The following ASAH2 variants were observed in gnomAD, a reference collection of about 807,000 sequenced individuals.
The protein encoded by ASAH2 is neutral ceramidase.
A neutral mutation model predicts 82.9 loss-of-function variants in ASAH2; 58 were observed. The ratio of observed to expected loss-of-function variants is 0.70; its 90% CI spans 0.57 to 0.87. The LOEUF (loss-of-function observed/expected upper bound fraction) is 0.87. Among genes scored for constraint, ASAH2 ranks in the 40% least tolerant of loss-of-function variants. The pLI, the probability that ASAH2 is intolerant of heterozygous loss-of-function variation, is 0.00. For missense variants in ASAH2, 779 were observed against 834.0 expected (o/e 0.93, Z 0.81); for synonymous variants, 276 against 289.7 (o/e 0.95, Z 0.48).
intron 4 of ASAH2, among the ~76,000 whole-genome samples, chr10:50,236,423 T>C (rs1268045079): frequency 2.6e-5 from 4 of 152,028 alleles, no homozygotes; most frequent in South Asian, 2.1e-4. Context: ...AACAGCAGCA[T>C]GGGGGTACCC....
chr10:50,229,747 T>A (rs1313609592), intron 7 of ASAH2, among the ~76,000 whole-genome samples: 2 of 152,092 alleles, frequency 1.3e-5, no homozygotes, highest in African/African-American at 4.8e-5. Flanking sequence ...TCTTTTCCAA[T>A]CCCCCCATTT....
At chr10:50,230,805 G>T (rs1846003017) in intron 7 of ASAH2, among the ~76,000 whole-genome samples, 1 of 152,064 alleles carries the variant, frequency 6.6e-6, no homozygotes, top group South Asian at 2.1e-4. Flanking sequence ...ACTTTGGAAG[G>T]CCGAGGTGGA....
intron 15 of ASAH2, 98 bp from the exon 16 acceptor site, chr10:50,203,022 G>A (rs980220442): frequency 6.4e-5 from 55 of 862,976 alleles, no homozygotes; most frequent in Non-Finnish European, 9.6e-5. Context: ...TACACTATTA[G>A]TTTAAGATAT....
chr10:50,219,090 C>T lies in ASAH2; in HGVS notation c.894-460G>A, dbSNP rs888509299. 2.6e-5 allele frequency among the ~76,000 whole-genome samples: 4 copies of T among 152,244 alleles called. No individual in the cohort carries two copies. The South Asian group carries it at 6.2e-4, about 24-fold the overall frequency. ...CAGATGTGAACAAATGGCTTTAACA[C>T]AGTGTGACAAACGTTGCGAAGAAAC... On this transcript the variant is annotated intron_variant, in intron 7 of 20. Transcript: ENST00000682911.
At chr10:50,221,330 C>T (rs1845738501) in intron 7 of ASAH2, among the ~76,000 whole-genome samples, 1 of 152,074 alleles carries the variant, frequency 6.6e-6, no homozygotes, top group Admixed American at 6.6e-5. Flanking sequence ...TTTGGCTTCC[C>T]AACCAAAACA....
chr10:50,251,111 CTTAAAGGA>C (rs1387487171), intron 1 of ASAH2, among the ~76,000 whole-genome samples: 24 of 152,216 alleles, frequency 1.6e-4, no homozygotes, highest in Non-Finnish European at 2.9e-4. Context: ...ATAATTATAT[CTTAAAGGA>C]TTCTAGATTT....
At chr10:50,232,548 A>C (rs956148781) in intron 7 of ASAH2, among the ~76,000 whole-genome samples, 1 of 152,164 alleles carries the variant, frequency 6.6e-6, no homozygotes. Context: ...GGCCAGTTGC[A>C]GTAACCAAAA....
intron 8 of ASAH2, among the ~76,000 whole-genome samples, chr10:50,217,935 AC>A (rs1845648352): frequency 6.6e-6 from 1 of 151,832 alleles, no homozygotes; most frequent in African/African-American, 2.4e-5. Context: ...GACCAGCCTG[AC>A]CAACATGGCG....
At chr10:50,196,457 G>T (rs1315196810) in intron 18 of ASAH2, among the ~76,000 whole-genome samples, 13 of 149,710 alleles carry the variant, frequency 8.7e-5, no homozygotes, top group Non-Finnish European at 1.9e-4. Flanking sequence ...AATAGTAATG[G>T]TACAAATTCT....
intron 3 of ASAH2, among the ~76,000 whole-genome samples, chr10:50,244,094 A>C (rs969643386): frequency 5.3e-5 from 8 of 152,224 alleles, no homozygotes; most frequent in African/African-American, 1.9e-4. Context: ...TCTGCAAAGA[A>C]GCAGGAGCTG....
At chr10:50,251,221 A>G (rs1038887084) in intron 1 of ASAH2, among the ~76,000 whole-genome samples, 174 bp downstream of exon 1, 26 of 152,234 alleles carry the variant, frequency 1.7e-4, no homozygotes, top group African/African-American at 2.4e-5. Flanking sequence ...ACATCTTCAC[A>G]TAACGGGGTC....
At chr10:50,199,540 C>T (rs1234996595) in intron 16 of ASAH2, among the ~76,000 whole-genome samples, 1 of 150,954 alleles carries the variant, frequency 6.6e-6, no homozygotes, top group Non-Finnish European at 1.5e-5. Flanking sequence ...TTAGAAGGTG[C>T]TAACTGGAGA....
rs1048055120 is a variant in ASAH2, at chr10:50,235,868, C to T, written c.687+20G>A. The stretch of plus-strand genomic sequence containing the variant: ...GTAAGCAATGGTAAAGAACAGCTGC[C>T]TCTGGGGCTCTTTGCCTACCTTCAA... On this transcript the variant is annotated intron_variant, in intron 5 of 20. Transcript: ENST00000682911. The T allele has an allele frequency of 1.6e-5, 25 of 1,612,368 alleles. 1 individual carries two copies. In the South Asian group the frequency reaches 2.7e-4, roughly 18 times the overall value.
intron 4 of ASAH2, among the ~76,000 whole-genome samples, chr10:50,242,695 C>T (rs1846335170): frequency 6.6e-6 from 1 of 152,070 alleles, no homozygotes; most frequent in Non-Finnish European, 1.5e-5. Context: ...CAAATTTGTA[C>T]AAAAATAATC....
chr10:50,241,393 A>G (rs1287127626), intron 4 of ASAH2, among the ~76,000 whole-genome samples: 2 of 152,122 alleles, frequency 1.3e-5, no homozygotes, highest in Admixed American at 6.5e-5. Flanking sequence ...TCTATATTTC[A>G]TAGTCCTTCC....
At chr10:50,208,994 G>C (rs1845383686) in intron 12 of ASAH2, among the ~76,000 whole-genome samples, 1 of 152,168 alleles carries the variant, frequency 6.6e-6, no homozygotes, top group African/African-American at 2.4e-5. Flanking sequence ...ATAAAGCCAT[G>C]TGTCAACTAA....
chr10:50,207,849 A>G (rs2133204429), intron 12 of ASAH2, among the ~76,000 whole-genome samples: 1 of 152,006 alleles, frequency 6.6e-6, no homozygotes, highest in South Asian at 2.1e-4. Context: ...CCAGACAAAG[A>G]TATCACAAGA....
intron 13 of ASAH2, among the ~76,000 whole-genome samples, 171 bp from the exon 14 acceptor site, chr10:50,205,126 C>T (rs2133202432): frequency 6.6e-6 from 1 of 152,038 alleles, no homozygotes; most frequent in South Asian, 2.1e-4. Flanking sequence ...ATGCCAAAGC[C>T]CCATTAACCT....
intron 18 of ASAH2, among the ~76,000 whole-genome samples, chr10:50,195,238 G>C (rs1844946409): frequency 6.6e-6 from 1 of 151,682 alleles, no homozygotes; most frequent in African/African-American, 2.4e-5. Context: ...AAAAGGACCT[G>C]AATAAACATT....
Sources: allele counts gnomAD v4.1 joint callset (sites outside exome capture counted in the v4.1 genomes callset), GRCh38; gene constraint gnomAD v4.1.1; transcripts MANE v1.5; gene names NCBI Gene and HGNC (gene_info 2026-07-23, HGNC 2026-07-21).